The following SLC39A10 variants were observed in gnomAD, a reference collection of about 807,000 sequenced individuals.
The protein encoded by SLC39A10 is solute carrier family 39 member 10, also known as zinc transporter ZIP10.
A neutral mutation model predicts 65.1 loss-of-function variants in SLC39A10; 13 were observed. That is an observed-to-expected ratio of 0.20 (90% CI 0.13 to 0.32). The LOEUF (loss-of-function observed/expected upper bound fraction) is 0.32. Among genes scored for constraint, SLC39A10 ranks in the 10% least tolerant of loss-of-function variants. The pLI, the probability that SLC39A10 is intolerant of heterozygous loss-of-function variation, is 1.00. For missense variants in SLC39A10, 831 were observed against 1,018.4 expected (o/e 0.82, Z 2.50); for synonymous variants, 321 against 342.2 (o/e 0.94, Z 0.68).
At chr2:195,684,303 A>G (rs1446677614) in intron 3 of SLC39A10, among the ~76,000 whole-genome samples, 1 of 152,126 alleles carries the variant, frequency 6.6e-6, no homozygotes, top group Non-Finnish European at 1.5e-5. Context: ...AAAATTTTAA[A>G]GACATAAAAA....
chr2:195,724,246 T>C (rs1692153983), intron 8 of SLC39A10, among the ~76,000 whole-genome samples: 1 of 152,172 alleles, frequency 6.6e-6, no homozygotes, highest in Admixed American at 6.5e-5. Flanking sequence ...GCACACCTCA[T>C]TCATTGTGCT....
intron 1 of SLC39A10, among the ~76,000 whole-genome samples, chr2:195,678,320 A>G (rs1329104088): frequency 2.6e-5 from 4 of 152,154 alleles, no homozygotes; most frequent in African/African-American, 9.7e-5. Flanking sequence ...TTCATGGGGT[A>G]TATAGTGGTA....
At chr2:195,687,174 G>A (rs1559034347) in intron 3 of SLC39A10, among the ~76,000 whole-genome samples, 1 of 152,152 alleles carries the variant, frequency 6.6e-6, no homozygotes, top group Non-Finnish European at 1.5e-5. Flanking sequence ...CCTCTCAGGT[G>A]CCTGTAAATT....
chr2:195,640,110 A>G (rs1688774740), intron 2 of SLC39A10, among the ~76,000 whole-genome samples: 1 of 152,202 alleles, frequency 6.6e-6, no homozygotes, highest in Non-Finnish European at 1.5e-5. Flanking sequence ...CCCTCATTCA[A>G]TGATGACTCT....
intron 1 of SLC39A10, among the ~76,000 whole-genome samples, chr2:195,673,102 C>T (rs551836025): frequency 3.3e-5 from 5 of 152,272 alleles, no homozygotes; most frequent in African/African-American, 7.2e-5. Context: ...TTAAAAAATG[C>T]TTAACCTATA....
rs111586223 is a variant in SLC39A10 at position 195,724,900 on chromosome 2, G to A, written c.2147-3259G>A. On this transcript the variant is annotated intron_variant, in intron 8 of 9. Coordinates refer to ENST00000359634, the MANE Select transcript of SLC39A10 (RefSeq NM_020342.3). ...ATTTAAGATTTACTATAAAGCCACC[G>A]TAATCAAAACAGTTGGAATTGGTGA... is the stretch of plus-strand genomic sequence containing the variant. Among the ~76,000 whole-genome samples, 429 of 152,198 alleles carry A rather than the reference G, an allele frequency of 2.8e-3. 1 individual carries two copies. Among genetic ancestry groups the A allele is most frequent in the African/African-American group, 0.01 (422 of 41,556 alleles).
chr2:195,720,938 T>C (rs895298119), intron 8 of SLC39A10, among the ~76,000 whole-genome samples: 1 of 152,088 alleles, frequency 6.6e-6, no homozygotes, highest in Non-Finnish European at 1.5e-5. Flanking sequence ...TAGAGCTGGA[T>C]TTTATATATT....
At chr2:195,688,238 G>A (rs1690599410) in intron 3 of SLC39A10, among the ~76,000 whole-genome samples, 1 of 151,994 alleles carries the variant, frequency 6.6e-6, no homozygotes, top group Non-Finnish European at 1.5e-5. Context: ...TTTAGTTTTT[G>A]CTTTATACCA....
At chr2:195,657,461 G>C (rs1689191358) in intron 1 of SLC39A10, 180 bp downstream of exon 1, 1 of 985,826 alleles carries the variant, frequency 1.0e-6, no homozygotes, top group Admixed American at 6.1e-5. Flanking sequence ...AGTCGGCGGC[G>C]GCCAGCCGAA....
rs138192906 is a variant in SLC39A10 at position 195,629,567 on chromosome 2, C to T, written c.-12+23334C>T. On this transcript the variant is annotated intron_variant, in intron 2 of 2. Transcript: ENST00000458054. Reference sequence around the variant, plus strand: ...TATTTTGCTTGGATTACTGCAGTAGCACCAATAAACACAAACTCAATATTG... The same window carrying T: ...TATTTTGCTTGGATTACTGCAGTAGTACCAATAAACACAAACTCAATATTG... Among the ~76,000 whole-genome samples, 667 of 152,246 alleles carry T rather than the reference C, an allele frequency of 4.4e-3. 8 individuals carry two copies. The highest frequency in any genetic ancestry group is 0.016 in the African/African-American group (647 of 41,550).
intron 1 of SLC39A10, among the ~76,000 whole-genome samples, chr2:195,663,014 G>A (rs1251484319): frequency 6.6e-6 from 1 of 152,066 alleles, no homozygotes; most frequent in Non-Finnish European, 1.5e-5. Context: ...GCTTGGAGTC[G>A]GAAAAGGAAT....
chr2:195,662,179 G>T (rs922833332), intron 1 of SLC39A10, among the ~76,000 whole-genome samples: 4 of 151,708 alleles, frequency 2.6e-5, no homozygotes, highest in Non-Finnish European at 4.4e-5. Context: ...ATCACTTTAG[G>T]TTTTAGATTT....
At chr2:195,713,368 A>G (rs745637753) in intron 5 of SLC39A10, 65 bp from the exon 6 acceptor site, 31 of 1,313,618 alleles carry the variant, frequency 2.4e-5, no homozygotes, top group Admixed American at 8.5e-5. Context: ...ATGAGTCAAT[A>G]TTGTTGCTAA....
At chr2:195,691,498 C>G (rs994073566) in intron 3 of SLC39A10, among the ~76,000 whole-genome samples, 3 of 152,126 alleles carry the variant, frequency 2.0e-5, no homozygotes, top group African/African-American at 7.2e-5. Flanking sequence ...TAGAAGTGTT[C>G]CCTTTTCACC....
chr2:195,635,685 C>CT (rs1405351755), intron 2 of SLC39A10, among the ~76,000 whole-genome samples: 2 of 132,116 alleles, frequency 1.5e-5, no homozygotes, highest in Admixed American at 1.7e-4. Context: ...GAAATGATTG[C>CT]TTTTTTTGTG....
chr2:195,653,330 G>A (rs1689080828), upstream of SLC39A10, among the ~76,000 whole-genome samples: 1 of 141,546 alleles, frequency 7.1e-6, no homozygotes, highest in Admixed American at 7.3e-5. Flanking sequence ...GTCTTCTTCT[G>A]TCACCCAGGC....
chr2:195,708,651 A>C lies in SLC39A10; in HGVS notation c.1387-5A>C. The C allele has an allele frequency of 6.5e-7, 1 of 1,546,484 alleles. No homozygotes were observed. Among genetic ancestry groups the C allele is most frequent in the Non-Finnish European group, 8.7e-7 (1 of 1,150,598 alleles). ...TTTAGAAGTTTTATTTGTTCTTATT[A>C]ATAGTCTCAGGGTGGACATGATCAC... is the stretch of plus-strand genomic sequence containing the variant. On this transcript the variant is annotated splice_polypyrimidine_tract_variant and splice_region_variant and intron_variant, in intron 4 of 9. Transcript: ENST00000359634.
chr2:195,616,110 C>A (rs1371538502), intron 2 of SLC39A10, among the ~76,000 whole-genome samples: 1 of 152,012 alleles, frequency 6.6e-6, no homozygotes, highest in Non-Finnish European at 1.5e-5. Flanking sequence ...CATAAGCCAC[C>A]AGTCCGGCTA....
Position 195,728,036 on chromosome 2 carries a change from C to T in SLC39A10, c.2147-123C>T, listed in dbSNP as rs1692307386. The T allele has an allele frequency of 2.4e-6, 2 of 831,768 alleles. No homozygotes were observed. Among genetic ancestry groups the T allele is most frequent in the South Asian group, 2.2e-5 (1 of 45,788 alleles). 51.5% of individuals were successfully genotyped at this position (831,768 alleles called of 1,614,324 possible). On this transcript the variant is annotated intron_variant, in intron 8 of 9. Transcript: ENST00000359634. This position sits in a 1 kb window ranked among gnomAD's most constrained non-coding sequence, Gnocchi z 4.4. ...TTAATAAGTAAAATATTTTATATATCACATAAAATACTGTTATTAAAAGTG... is the reference window on the plus strand; with the variant it reads ...TTAATAAGTAAAATATTTTATATATTACATAAAATACTGTTATTAAAAGTG...
Sources: allele counts gnomAD v4.1 joint callset (sites outside exome capture counted in the v4.1 genomes callset), GRCh38; gene constraint gnomAD v4.1.1; non-coding constraint Gnocchi (gnomAD v3.1); transcripts MANE v1.5; gene names NCBI Gene and HGNC (gene_info 2026-07-23, HGNC 2026-07-21).